MORN5: variants seen among roughly 807,000 people sequenced by gnomAD.
MORN5 encodes the protein MORN repeat containing 5.
Under a neutral mutation model 22.1 loss-of-function variants are expected in MORN5, and 21 were observed. That is an observed-to-expected ratio of 0.95 (90% CI 0.67 to 1.37). The LOEUF (loss-of-function observed/expected upper bound fraction) is 1.37, where lower values mean the gene tolerates loss of function less well. Ranked by LOEUF, MORN5 falls within the 40% of genes most tolerant of loss-of-function variation. The pLI is 0.00. For missense variants in MORN5, 211 were observed against 215.1 expected, an observed-to-expected ratio of 0.98 and a Z score of 0.12; for synonymous variants, 73 against 74.0, an observed-to-expected ratio of 0.99 and a Z score of 0.07.
chr9:122,163,685 G>T (rs918184054), intron 1 of MORN5, among the ~76,000 whole-genome samples: 2 of 152,194 alleles, frequency 1.3e-5, no homozygotes, highest in Non-Finnish European at 2.9e-5. Context: ...AGGGAAGCTG[G>T]ACAGGCGGTC....
At chr9:122,170,976 TA>T (rs1451953888) in intron 3 of MORN5, among the ~76,000 whole-genome samples, 2 of 151,800 alleles carry the variant, frequency 1.3e-5, no homozygotes, top group African/African-American at 4.8e-5. Flanking sequence ...TAAAGTATAA[TA>T]AAAAATAAAT....
At chr9:122,176,802 TG>T (rs779681068) in intron 4 of MORN5, among the ~76,000 whole-genome samples, 14 of 152,000 alleles carry the variant, frequency 9.2e-5, no homozygotes, top group South Asian at 2.1e-4. Context: ...CACTTGAACC[TG>T]GGAGGCGGAG....
intron 4 of MORN5, chr9:122,174,944 G>A (rs2118757259): frequency 3.3e-6 from 3 of 906,764 alleles, no homozygotes; most frequent in Non-Finnish European, 4.0e-6. Context: ...TAGACACTGT[G>A]CTTGGTGTTG....
intron 3 of MORN5, among the ~76,000 whole-genome samples, chr9:122,172,198 C>T (rs1829375912): frequency 6.6e-6 from 1 of 151,448 alleles, no homozygotes; most frequent in South Asian, 2.1e-4. Flanking sequence ...TCTAGAACTC[C>T]TGGCCTCAAG....
chr9:122,166,835 A>C lies in MORN5; in HGVS notation c.115A>C (p.Met39Leu). 1 of 1,614,014 alleles carries C rather than the reference A, an allele frequency of 6.2e-7. No homozygotes were observed. Among genetic ancestry groups the C allele is most frequent in the Non-Finnish European group, 8.5e-7 (1 of 1,179,962 alleles). ...TIYVGEMKDG[M>L]FHGEGTLYFP... ...ATATGTTGGGGAAATGAAGGATGGC[A>C]TGTTTCACGGCGAGGGAACCCTGTA... The change falls in exon 2 of 5, where the codon ATG (methionine) becomes CTG (leucine). Residue 39 changes from methionine to leucine, a missense_variant. Physicochemically the swap from Met to Leu is conservative, Grantham distance 15 (BLOSUM62 2). Transcript: ENST00000373764.
chr9:122,180,874 A>G (rs754491547), intron 4 of MORN5, among the ~76,000 whole-genome samples: 1 of 152,136 alleles, frequency 6.6e-6, no homozygotes, highest in Non-Finnish European at 1.5e-5. Flanking sequence ...CCACGTGACT[A>G]CGTCTGATTC....
chr9:122,192,963 T>A (rs111538152), intron 4 of MORN5, among the ~76,000 whole-genome samples: 2,561 of 152,320 alleles, frequency 0.017, 69 homozygotes, highest in African/African-American at 0.054. Context: ...TGAAATACTT[T>A]AAGTGCTAGA....
chr9:122,174,530 A>G lies in MORN5; in HGVS notation c.342A>G (p.Arg114=). Residue 114 remains arginine, a synonymous_variant, in exon 4 of 5, where the codon AGA becomes AGG. Coordinates refer to ENST00000373764, the MANE Select transcript of MORN5 (RefSeq NM_198469.4). ...AACTCACCAATATGGACCCACCTAG[A>G]AAAATCCCCAAGGGCTATTACGATT... The part of the protein sequence containing the change: ...MAQLTNMDPP[R]KIPKGYYDCG... 6.2e-7 allele frequency: 1 copy of G among 1,614,142 alleles called. No homozygotes were observed. The highest frequency in any genetic ancestry group is 1.1e-5 in the South Asian group (1 of 91,058).
chr9:122,183,814 C>T (rs1055609665), intron 4 of MORN5, among the ~76,000 whole-genome samples: 1 of 152,208 alleles, frequency 6.6e-6, no homozygotes, highest in African/African-American at 2.4e-5. Flanking sequence ...CACCAACTTT[C>T]CTTCAGTCAG....
intron 4 of MORN5, among the ~76,000 whole-genome samples, chr9:122,188,306 C>T (rs1318156768): frequency 2.0e-5 from 3 of 152,188 alleles, no homozygotes; most frequent in Non-Finnish European, 2.9e-5. Flanking sequence ...TGGGTAAGCT[C>T]GGGAAGACAC....
At chr9:122,180,286 T>A (rs1289554707) in intron 4 of MORN5, among the ~76,000 whole-genome samples, 1 of 144,792 alleles carries the variant, frequency 6.9e-6, no homozygotes, top group African/African-American at 2.5e-5. Context: ...TTTCTTCTTT[T>A]TTTTTTTTTT....
At chr9:122,177,016 A>G (rs1829461893) in intron 4 of MORN5, among the ~76,000 whole-genome samples, 1 of 152,256 alleles carries the variant, frequency 6.6e-6, no homozygotes, top group Non-Finnish European at 1.5e-5. Context: ...GACTGGGGAC[A>G]ATAGTAAGAG....
intron 4 of MORN5, among the ~76,000 whole-genome samples, chr9:122,185,607 G>A (rs924154194): frequency 4.0e-5 from 6 of 148,750 alleles, no homozygotes; most frequent in East Asian, 2.0e-4. Flanking sequence ...TGATCCGCCC[G>A]CCTCGGCCTC....
In MORN5 at chr9:122,187,399, A is replaced by G. The variant is rs1304007413; in HGVS notation, c.440-12486A>G. Among the ~76,000 whole-genome samples the G allele has an allele frequency of 2.0e-5, 3 of 152,068 alleles. No homozygotes were observed. In the East Asian group the frequency reaches 5.8e-4, roughly 29 times the overall value. ...TTACGGACGTGTCCCCATCATCCTC[A>G]TCGTTTCTTATGCACCTAGAGCCTT... On this transcript the variant is annotated intron_variant, in intron 4 of 4. Transcript: ENST00000373764.
chr9:122,175,717 A>G, intron 4 of MORN5: 3 of 983,976 alleles, frequency 3.0e-6, no homozygotes, highest in Non-Finnish European at 3.6e-6. Flanking sequence ...ACTGCCAGGT[A>G]GACCAGAACA....
intron 1 of MORN5, among the ~76,000 whole-genome samples, chr9:122,165,239 G>T (rs1829256757): frequency 6.6e-6 from 1 of 151,824 alleles, no homozygotes; most frequent in Non-Finnish European, 1.5e-5. Flanking sequence ...ATGTTACCTG[G>T]ATTAATTGCA....
At chr9:122,190,312 A>G (rs1226062393) in intron 4 of MORN5, among the ~76,000 whole-genome samples, 3 of 152,240 alleles carry the variant, frequency 2.0e-5, no homozygotes, top group Admixed American at 6.5e-5. Flanking sequence ...TAAATCCCAC[A>G]TTAAATATAA....
chr9:122,191,526 C>T (rs1416195400), intron 4 of MORN5, among the ~76,000 whole-genome samples: 1 of 152,188 alleles, frequency 6.6e-6, no homozygotes, highest in Non-Finnish European at 1.5e-5. Flanking sequence ...AGCTGGGCAC[C>T]TCCTAAGTGC....
intron 4 of MORN5, among the ~76,000 whole-genome samples, chr9:122,196,960 G>A (rs1407222959): frequency 6.6e-6 from 1 of 151,998 alleles, no homozygotes; most frequent in Non-Finnish European, 1.5e-5. Context: ...CCACCTCCCC[G>A]AATCTAGCAC....
Sources: allele counts gnomAD v4.1 joint callset (sites outside exome capture counted in the v4.1 genomes callset), GRCh38; gene constraint gnomAD v4.1.1; transcripts MANE v1.5; gene names NCBI Gene and HGNC (gene_info 2026-07-23, HGNC 2026-07-21).